Variants in PTPRT observed in about 807,000 individuals in gnomAD.
The protein encoded by PTPRT is receptor-type tyrosine-protein phosphatase T.
Under a neutral mutation model 176.8 loss-of-function variants are expected in PTPRT, and 56 were observed. The ratio of observed to expected loss-of-function variants is 0.32; its 90% CI spans 0.26 to 0.40. The LOEUF (loss-of-function observed/expected upper bound fraction) is 0.40, where lower values mean the gene tolerates loss of function less well. Ranked by LOEUF, PTPRT falls within the 10% of genes least tolerant of loss-of-function variation. The probability of loss-of-function intolerance (pLI) is 1.00; values close to 1 mark genes in which losing one functional copy is unlikely to be tolerated. For missense variants in PTPRT, 1,540 were observed against 1,908.2 expected, an observed-to-expected ratio of 0.81 and a Z score of 3.60; for synonymous variants, 783 against 739.0, an observed-to-expected ratio of 1.06 and a Z score of -0.96.
chr20:42,202,263 C>T lies in PTPRT; in HGVS notation c.2343-2875G>A, dbSNP rs372329892. Among the ~76,000 whole-genome samples the T allele has an allele frequency of 9.2e-5, 14 of 152,266 alleles. No individual in the cohort carries two copies. The East Asian group carries it at 2.5e-3, about 27-fold the overall frequency. On this transcript the variant is annotated intron_variant, in intron 15 of 30. Coordinates refer to ENST00000373187, the MANE Select transcript of PTPRT (RefSeq NM_007050.6). ...AGGATTACAGGTGGGAGCCACCGTG[C>T]CCAGCCGAGAAAGTTTCTTTATACG...
chr20:42,035,043 TA>T, the PTPRT span, among the ~76,000 whole-genome samples: 1 of 152,112 alleles, frequency 6.6e-6, no homozygotes, highest in Non-Finnish European at 1.5e-5. Flanking sequence ...AGATTAGGCA[TA>T]ATTCCCACTA....
At chr20:42,146,441 A>T (rs979450391) in intron 17 of PTPRT, among the ~76,000 whole-genome samples, 1 of 152,172 alleles carries the variant, frequency 6.6e-6, no homozygotes, top group Admixed American at 6.5e-5. Context: ...TTGGGTTACC[A>T]TTAGCTTAAG....
At chr20:42,845,221 G>A (rs897224768) in intron 2 of PTPRT, among the ~76,000 whole-genome samples, 1 of 152,132 alleles carries the variant, frequency 6.6e-6, no homozygotes, top group Non-Finnish European at 1.5e-5. Flanking sequence ...TCTGTTTCGG[G>A]TGTTCTTGCC....
intron 1 of PTPRT, among the ~76,000 whole-genome samples, chr20:43,105,924 C>A (rs546502751): frequency 6.6e-6 from 1 of 152,070 alleles, no homozygotes; most frequent in East Asian, 1.9e-4. Context: ...ATACACTCTT[C>A]GGCACTCCAG....
intron 6 of PTPRT, among the ~76,000 whole-genome samples, chr20:42,697,711 A>T (rs2075903958): frequency 6.6e-6 from 1 of 152,010 alleles, no homozygotes; most frequent in Non-Finnish European, 1.5e-5. Flanking sequence ...AATGGAAAAA[A>T]CTCGCCTTTG....
intron 7 of PTPRT, among the ~76,000 whole-genome samples, chr20:42,544,026 T>C (rs2072629613): frequency 6.6e-6 from 1 of 152,170 alleles, no homozygotes; most frequent in East Asian, 1.9e-4. Flanking sequence ...TAGCGTAGTG[T>C]TTAAGAGTCC....
At chr20:42,930,683 T>C (rs1979785841) in intron 1 of PTPRT, among the ~76,000 whole-genome samples, 1 of 152,064 alleles carries the variant, frequency 6.6e-6, no homozygotes, top group African/African-American at 2.4e-5. Context: ...TCTTACTATG[T>C]TGCCCAGGCT....
At chr20:42,446,812 A>G (rs1027409894) in intron 9 of PTPRT, among the ~76,000 whole-genome samples, 1 of 152,064 alleles carries the variant, frequency 6.6e-6, no homozygotes, top group East Asian at 1.9e-4. Context: ...GCTTCTCCCA[A>G]GCGTGTGGCC....
intron 1 of PTPRT, among the ~76,000 whole-genome samples, chr20:43,037,889 C>T (rs911115457): frequency 3.3e-5 from 5 of 152,166 alleles, no homozygotes; most frequent in Non-Finnish European, 7.3e-5. Flanking sequence ...TGATATCATA[C>T]CCTTGTTGGT....
At chr20:42,880,058 T>C (rs1311108256) in intron 2 of PTPRT, among the ~76,000 whole-genome samples, 1 of 151,778 alleles carries the variant, frequency 6.6e-6, no homozygotes, top group Admixed American at 6.6e-5. Flanking sequence ...AGGTGGGAGG[T>C]ATGGATCTGC....
At chr20:42,502,021 A>G (rs78202655) in intron 7 of PTPRT, among the ~76,000 whole-genome samples, 1,555 of 152,202 alleles carry the variant, frequency 0.01, 32 homozygotes, top group African/African-American at 0.036. Context: ...TTGCTTGTAA[A>G]ACAATTTGGG....
chr20:42,040,827 C>T, the PTPRT span, among the ~76,000 whole-genome samples: 1 of 152,206 alleles, frequency 6.6e-6, no homozygotes, highest in East Asian at 1.9e-4. Flanking sequence ...TTTAGAAACA[C>T]ATCATGTGCC....
chr20:42,285,519 C>T (rs918550490), intron 12 of PTPRT, among the ~76,000 whole-genome samples: 1 of 151,876 alleles, frequency 6.6e-6, no homozygotes, highest in African/African-American at 2.4e-5. Flanking sequence ...AGAATCTTTT[C>T]TCAGGGAATA....
the PTPRT span, among the ~76,000 whole-genome samples, chr20:42,033,976 G>A: frequency 6.6e-6 from 1 of 152,102 alleles, no homozygotes; most frequent in Non-Finnish European, 1.5e-5. Flanking sequence ...TAACAGATAC[G>A]TATGTCTACA....
chr20:42,082,609 T>TCTTAAAATGACA, intron 29 of PTPRT, among the ~76,000 whole-genome samples: 2 of 152,330 alleles, frequency 1.3e-5, no homozygotes, highest in Middle Eastern at 6.8e-3. Flanking sequence ...ATAGGCTTTA[T>TCTTAAAATGACA]CTTAAAATGA....
chr20:42,296,929 A>G (rs1198217115), intron 12 of PTPRT, among the ~76,000 whole-genome samples: 1 of 152,190 alleles, frequency 6.6e-6, no homozygotes, highest in Non-Finnish European at 1.5e-5. Flanking sequence ...TGTCTCATTT[A>G]CCCCATAAAC....
At chr20:42,430,767 G>T (rs1204683638) in intron 9 of PTPRT, among the ~76,000 whole-genome samples, 2 of 152,188 alleles carry the variant, frequency 1.3e-5, no homozygotes, top group African/African-American at 4.8e-5. Flanking sequence ...CTTGGAGAGT[G>T]CAAATGGATC....
At chr20:42,746,687 A>G (rs891842508) in intron 6 of PTPRT, among the ~76,000 whole-genome samples, 5 of 152,204 alleles carry the variant, frequency 3.3e-5, no homozygotes. Context: ...TTAAAAAATA[A>G]GAACCAAAGC....
the PTPRT span, among the ~76,000 whole-genome samples, chr20:42,049,600 C>T: frequency 6.6e-6 from 1 of 152,202 alleles, no homozygotes; most frequent in Non-Finnish European, 1.5e-5. Flanking sequence ...CCTCATTCCC[C>T]AGGGCAGTAG....
Sources: gnomAD v4.1 joint callset for allele counts (sites outside exome capture counted in the v4.1 genomes callset) on GRCh38, gnomAD v4.1.1 for gene constraint, MANE v1.5 for transcripts, NCBI Gene and HGNC (gene_info 2026-07-23, HGNC 2026-07-21) for gene names.